Variants in RPGRIP1 observed in about 807,000 individuals in gnomAD.
RPGRIP1 encodes the protein X-linked retinitis pigmentosa GTPase regulator-interacting protein 1.
A neutral mutation model predicts 157.9 loss-of-function variants in RPGRIP1; 128 were observed. That is an observed-to-expected ratio of 0.81 (90% CI 0.70 to 0.94). The LOEUF is 0.94. RPGRIP1 is among the 40% of genes least tolerant of loss of function. The pLI is 0.00. For missense variants in RPGRIP1, 1,486 were observed against 1,545.8 expected (o/e 0.96, Z 0.65); for synonymous variants, 554 against 571.6 (o/e 0.97, Z 0.44).
Position 21,294,746 on chromosome 14 carries a change from G to T in RPGRIP1, c.155G>T (p.Arg52Leu). The T allele has an allele frequency of 1.2e-6, 2 of 1,610,810 alleles. No individual in the cohort carries two copies. The highest frequency in any genetic ancestry group is 1.1e-5 in the South Asian group (1 of 90,994). Residue 52 changes from arginine to leucine, a missense_variant, in exon 3 of 25, where the codon CGA becomes CTA. Transcript: ENST00000400017. Reference sequence around the variant, plus strand: ...GAGGAATTGGAGGACAGTTTCTTTCGACTTCGCGAAGATCACATGTTGGTG... The same window carrying T: ...GAGGAATTGGAGGACAGTTTCTTTCTACTTCGCGAAGATCACATGTTGGTG... Reference protein sequence around the residue: ...NREELEDSFFRLREDHMLVKE... With the variant: ...NREELEDSFFLLREDHMLVKE...
At chr14:21,303,188 T>A in intron 5 of RPGRIP1, 143 bp from the exon 6 acceptor site, 1 of 640,210 alleles carries the variant, frequency 1.6e-6, no homozygotes, top group Non-Finnish European at 2.7e-6. Flanking sequence ...TTATGTTTTG[T>A]TTGACATTTG....
rs539083010 is a variant in RPGRIP1, at chr14:21,306,112, C to CT, written c.801-1582dup. Reference sequence around the variant, plus strand: ...AGCTCCTAGGTTCAGGAATAATAGTCTTTTTTTTTTTTTTTTTTTTTTTTT... The same window carrying CT: ...AGCTCCTAGGTTCAGGAATAATAGTCTTTTTTTTTTTTTTTTTTTTTTTTTT... On this transcript the variant is annotated intron_variant, in intron 6 of 24. Coordinates refer to ENST00000400017, the MANE Select transcript of RPGRIP1 (RefSeq NM_020366.4). 7.9e-3 allele frequency among the ~76,000 whole-genome samples: 355 copies of CT among 44,828 alleles called. 116 individuals are homozygous for CT. Among genetic ancestry groups the CT allele is most frequent in the Non-Finnish European group, 9.8e-3 (251 of 25,644 alleles). The allele number at this position is 44,828 out of a possible 152,430, so 29.4% of individuals were successfully genotyped here. A position where few individuals can be genotyped will look rare whatever the true frequency, so the allele number is the denominator to read the frequency against.
At chr14:21,314,153 G>A (rs971614963) in intron 10 of RPGRIP1, among the ~76,000 whole-genome samples, 1 of 151,880 alleles carries the variant, frequency 6.6e-6, no homozygotes, top group African/African-American at 2.4e-5. Context: ...TTGCCATGTT[G>A]CCCAGGCTGG....
intron 8 of RPGRIP1, among the ~76,000 whole-genome samples, chr14:21,311,262 G>C (rs1881529522): frequency 6.6e-6 from 1 of 152,212 alleles, no homozygotes; most frequent in Non-Finnish European, 1.5e-5. Flanking sequence ...AGAAAATTAA[G>C]GCTCAAGGGC....
In RPGRIP1 at chr14:21,338,123, A is replaced by G. The variant is rs1242650491; in HGVS notation, c.3339+3418A>G. On this transcript the variant is annotated intron_variant, in intron 21 of 24. Transcript: ENST00000400017. ...AGTAGAGATGGGGTTTCACCGTGTT[A>G]GCCAGGATGGTCTCAATCTCCTGAC... Among the ~76,000 whole-genome samples, 3 of 151,916 alleles carry G rather than the reference A, an allele frequency of 2.0e-5. No individual in the cohort carries two copies. In the East Asian group the frequency reaches 5.8e-4, roughly 30 times the overall value.
intron 21 of RPGRIP1, among the ~76,000 whole-genome samples, chr14:21,339,409 G>A (rs1884753676): frequency 6.6e-6 from 1 of 152,120 alleles, no homozygotes; most frequent in Admixed American, 6.6e-5. Flanking sequence ...TGGTTCCCCT[G>A]CACTCCAGCC....
Position 21,351,102 on chromosome 14 carries a change from AGTT to A in RPGRIP1, c.3751_3753del (p.Val1251del). Reference sequence around the variant, plus strand: ...ATGCTGTTTTTTTCCCTTTCCCAACAGTTGTTAGCCCTGAAGATCTGGCTACCC... The same window carrying A: ...ATGCTGTTTTTTTCCCTTTCCCAACAGTTAGCCCTGAAGATCTGGCTACCC... On this transcript the variant is annotated splice_acceptor_variant and coding_sequence_variant, in exon 25 of 25. Coordinates refer to ENST00000400017, the MANE Select transcript of RPGRIP1 (RefSeq NM_020366.4). LOFTEE classifies it high-confidence loss of function. The A allele has an allele frequency of 6.3e-7, 1 of 1,588,192 alleles. No homozygotes were observed. The highest frequency in any genetic ancestry group is 8.6e-7 in the Non-Finnish European group (1 of 1,161,832).
intron 7 of RPGRIP1, among the ~76,000 whole-genome samples, chr14:21,308,753 G>A (rs1566675382): frequency 1.3e-5 from 2 of 152,164 alleles, no homozygotes; most frequent in African/African-American, 2.4e-5. Flanking sequence ...GCAGAGAGGG[G>A]AGACCTCATG....
rs1881233439 is a variant in RPGRIP1, at chr14:21,304,896, G to GCAA, written c.800+1353_800+1354insCAA. Among the ~76,000 whole-genome samples, 5 of 152,072 alleles carry GCAA rather than the reference G, an allele frequency of 3.3e-5. 1 individual carries two copies. In the South Asian group the frequency reaches 1.0e-3, roughly 32 times the overall value. ...GGCTCACTGCAAGCTCTGCCTCCTG[G>GCAA]GTTCATGCCGTTCTCCTGCCTCAGC... On this transcript the variant is annotated intron_variant, in intron 6 of 24. Transcript: ENST00000400017.
rs376589363 is a variant in RPGRIP1, at chr14:21,321,895, T to C, written c.1653T>C (p.Asn551=). 4 of 1,613,398 alleles carry C rather than the reference T, an allele frequency of 2.5e-6. No individual in the cohort carries two copies. The highest frequency in any genetic ancestry group is 1.6e-4 in the Middle Eastern group (1 of 6,084). The change falls in exon 14 of 25, where the codon AAT becomes AAC. Residue 551 remains asparagine (N), a synonymous_variant. Coordinates refer to ENST00000400017, the MANE Select transcript of RPGRIP1 (RefSeq NM_020366.4). ...EAMMTKADND[N]RDHKEKLERL... ...TGATGACAAAAGCTGACAATGATAA[T>C]AGAGATCACAAAGAAAAGCTGGAGA...
intron 8 of RPGRIP1, among the ~76,000 whole-genome samples, chr14:21,311,416 G>T (rs1332161315): frequency 6.6e-6 from 1 of 152,164 alleles, no homozygotes; most frequent in East Asian, 1.9e-4. Context: ...GCTGGGCGTG[G>T]TGGCTCATGC....
At chr14:21,284,111 A>T (rs565983928) in intron 1 of RPGRIP1, among the ~76,000 whole-genome samples, 1 of 152,336 alleles carries the variant, frequency 6.6e-6, no homozygotes, top group Admixed American at 6.5e-5. Flanking sequence ...AGAACAGAGT[A>T]TGAATTATCC....
Position 21,308,003 on chromosome 14 carries a change from G to A in RPGRIP1, c.906+167G>A, listed in dbSNP as rs79781251. Among the ~76,000 whole-genome samples, 808 of 152,210 alleles carry A rather than the reference G, an allele frequency of 5.3e-3. 8 individuals carry two copies. The highest frequency in any genetic ancestry group is 0.018 in the African/African-American group (741 of 41,532). The stretch of plus-strand genomic sequence containing the variant: ...TATTCAAATCCAAGCCTCACAACTC[G>A]GAGTCTATGCTTTTCCCAGTATTTC... On this transcript the variant is annotated intron_variant, in intron 7 of 24. Coordinates refer to ENST00000400017, the MANE Select transcript of RPGRIP1 (RefSeq NM_020366.4).
intron 1 of RPGRIP1, among the ~76,000 whole-genome samples, chr14:21,285,605 CAAA>C (rs397852011): frequency 2.3e-5 from 3 of 129,598 alleles, no homozygotes; most frequent in Non-Finnish European, 1.6e-5. Context: ...ACTCCATCTC[CAAA>C]AAAAAAAAAA....
At chr14:21,325,423 C>T in intron 16 of RPGRIP1, 40 bp downstream of exon 16, 4 of 1,541,028 alleles carry the variant, frequency 2.6e-6, no homozygotes, top group Non-Finnish European at 3.5e-6. Context: ...AGAGGAGCCT[C>T]AGCCAAACAG....
intron 17 of RPGRIP1, among the ~76,000 whole-genome samples, chr14:21,326,570 A>G (rs1170783868): frequency 6.6e-6 from 1 of 152,048 alleles, no homozygotes; most frequent in Non-Finnish European, 1.5e-5. Context: ...GGATTTCTCC[A>G]TGTTGGTCAG....
rs1012034513 is a variant in RPGRIP1, at chr14:21,321,254, T to G, written c.1468-5T>G. The G allele has an allele frequency of 6.8e-6, 11 of 1,611,408 alleles. No homozygotes were observed. Among genetic ancestry groups the G allele is most frequent in the Middle Eastern group, 3.3e-4 (2 of 6,062 alleles). ...TCCCTTTTACCAATGCGTTTCCCTC[T>G]ACAGCCAAGTGAACCCAAAAACCAA... On this transcript the variant is annotated splice_region_variant and splice_polypyrimidine_tract_variant and intron_variant, in intron 12 of 24. Transcript: ENST00000400017.
chr14:21,328,715 G>GCAGACA (rs1883380846), intron 19 of RPGRIP1, 88 bp downstream of exon 19: 2 of 955,216 alleles, frequency 2.1e-6, no homozygotes, highest in Non-Finnish European at 3.2e-6. Context: ...AGAAGCAGAA[G>GCAGACA]CAGACACACA....
intron 24 of RPGRIP1, 22 bp from the exon 25 acceptor site, chr14:21,351,082 G>A: frequency 1.4e-6 from 2 of 1,451,362 alleles, no homozygotes; most frequent in East Asian, 4.6e-5. Context: ...GAGTGATGCT[G>A]TTTTTTTCCC....
Sources: allele counts gnomAD v4.1 joint callset (sites outside exome capture counted in the v4.1 genomes callset), GRCh38; gene constraint gnomAD v4.1.1; transcripts MANE v1.5; gene names NCBI Gene and HGNC (gene_info 2026-07-23, HGNC 2026-07-21).